Variants in SOS2 observed in about 807,000 individuals in gnomAD.
SOS2 encodes the protein son of sevenless homolog 2.
In SOS2, 65 loss-of-function variants were observed where a neutral mutation model predicts 148.2. The observed-to-expected ratio is 0.44, with a 90% CI of 0.36 to 0.54. The LOEUF is 0.54. Among genes scored for constraint, SOS2 ranks in the 20% least tolerant of loss-of-function variants. SOS2 has a pLI of 0.00. For missense variants in SOS2, 1,341 were observed against 1,590.2 expected, an observed-to-expected ratio of 0.84 and a Z score of 2.67; for synonymous variants, 539 against 537.1, an observed-to-expected ratio of 1.00 and a Z score of -0.05.
At chr14:50,120,784 G>A (rs190484991) in intron 21 of SOS2, among the ~76,000 whole-genome samples, 20 of 125,722 alleles carry the variant, frequency 1.6e-4, no homozygotes, top group East Asian at 1.0e-3. Flanking sequence ...CTGTCGCCTA[G>A]GCTGGAGTGC....
intron 1 of SOS2, among the ~76,000 whole-genome samples, chr14:50,220,289 C>A (rs1329529874): frequency 6.7e-6 from 1 of 148,664 alleles, no homozygotes; most frequent in Non-Finnish European, 1.5e-5. Flanking sequence ...GCCTGTAGTC[C>A]CAGCTACTAG....
chr14:50,161,569 C>T lies in SOS2; in HGVS notation c.1109G>A (p.Cys370Tyr). 1.9e-6 allele frequency: 3 copies of T among 1,612,996 alleles called. No homozygotes were observed. The highest frequency in any genetic ancestry group is 2.5e-6 in the Non-Finnish European group (3 of 1,179,128). Residue 370 changes from cysteine to tyrosine, a missense_variant, in exon 9 of 23, where the codon TGT (cysteine) becomes TAT (tyrosine). By Grantham distance (194) the Cys-to-Tyr change is radical (BLOSUM62 -2). Coordinates refer to ENST00000216373, the MANE Select transcript of SOS2 (RefSeq NM_006939.4). ...ACSEEQEDRE[C>Y]LNQAITALMN... ...GAGAGCAGTAATAGCTTGGTTCAAACATTCTCTGTCTTCTTGTTCTTCACT... is the reference window on the plus strand; with the variant it reads ...GAGAGCAGTAATAGCTTGGTTCAAATATTCTCTGTCTTCTTGTTCTTCACT...
At chr14:50,151,023 T>C (rs1197423567) in intron 13 of SOS2, among the ~76,000 whole-genome samples, 1 of 151,812 alleles carries the variant, frequency 6.6e-6, no homozygotes, top group Non-Finnish European at 1.5e-5. Context: ...GCGCCTGGCC[T>C]AATTTTTGTA....
At chr14:50,121,259 T>G (rs191357751) in intron 21 of SOS2, among the ~76,000 whole-genome samples, 420 of 152,266 alleles carry the variant, frequency 2.8e-3, no homozygotes, top group African/African-American at 9.7e-3. Flanking sequence ...CATATAATAA[T>G]TACTATCTTC....
intron 4 of SOS2, among the ~76,000 whole-genome samples, chr14:50,192,772 G>A (rs947208301): frequency 1.3e-5 from 2 of 152,074 alleles, no homozygotes; most frequent in Non-Finnish European, 2.9e-5. Context: ...GCTGAGGCAG[G>A]AGAATGGATT....
intron 19 of SOS2, among the ~76,000 whole-genome samples, chr14:50,132,637 G>A (rs1457215614): frequency 1.3e-5 from 2 of 151,972 alleles, no homozygotes; most frequent in African/African-American, 2.4e-5. Flanking sequence ...CTCCAGCCTG[G>A]GTGACAGAGC....
chr14:50,144,294 G>A (rs930969323), intron 16 of SOS2, among the ~76,000 whole-genome samples: 1 of 151,818 alleles, frequency 6.6e-6, no homozygotes, highest in South Asian at 2.1e-4. Context: ...AACTGTTTAT[G>A]AGAAAAGGGC....
At chr14:50,163,734 A>G (rs1431743083) in intron 8 of SOS2, among the ~76,000 whole-genome samples, 1 of 152,200 alleles carries the variant, frequency 6.6e-6, no homozygotes, top group Non-Finnish European at 1.5e-5. Context: ...ACTCTAAAAT[A>G]TTTCTTTAAT....
At chr14:50,156,906 G>A (rs2139617742) in intron 12 of SOS2, 93 bp downstream of exon 12, 1 of 695,564 alleles carries the variant, frequency 1.4e-6, no homozygotes, top group Admixed American at 2.8e-5. Flanking sequence ...GAGCTTTTGT[G>A]TTAACTATAT....
intron 11 of SOS2, 125 bp downstream of exon 11, chr14:50,158,440 A>G (rs1884886766): frequency 3.4e-6 from 2 of 587,912 alleles, no homozygotes; most frequent in Non-Finnish European, 6.1e-6. Context: ...TAATACTGCC[A>G]ATTTAATGCC....
chr14:50,195,070 TA>T (rs1363704266), intron 4 of SOS2, among the ~76,000 whole-genome samples: 29 of 152,222 alleles, frequency 1.9e-4, no homozygotes, highest in African/African-American at 6.7e-4. Context: ...TTTCTAGGGA[TA>T]AATTCACGTT....
intron 14 of SOS2, among the ~76,000 whole-genome samples, chr14:50,146,070 T>C (rs1594970666): frequency 7.0e-6 from 1 of 143,758 alleles, no homozygotes; most frequent in Middle Eastern, 3.9e-3. Context: ...GAGATGGAGG[T>C]TGTGGTGAGC....
chr14:50,230,337 C>T (rs547856465), intron 1 of SOS2, among the ~76,000 whole-genome samples: 13 of 152,300 alleles, frequency 8.5e-5, no homozygotes, highest in Admixed American at 7.2e-4. Context: ...AAAGCCCCTG[C>T]TCAACAGGCA....
At chr14:50,131,015 T>C (rs897675296) in intron 19 of SOS2, among the ~76,000 whole-genome samples, 4 of 152,236 alleles carry the variant, frequency 2.6e-5, no homozygotes, top group Non-Finnish European at 4.4e-5. Flanking sequence ...TGAAATTTTA[T>C]GTGAAAATCA....
intron 4 of SOS2, among the ~76,000 whole-genome samples, chr14:50,194,092 T>G (rs150155013): frequency 9.2e-5 from 14 of 152,254 alleles, no homozygotes; most frequent in African/African-American, 3.1e-4. Flanking sequence ...TTGTGACAAA[T>G]AGGGGATCAT....
At chr14:50,218,124 C>T (rs1357140632) in intron 1 of SOS2, among the ~76,000 whole-genome samples, 1 of 147,104 alleles carries the variant, frequency 6.8e-6, no homozygotes, top group Non-Finnish European at 1.5e-5. Flanking sequence ...ACAGCAAGAC[C>T]CTATCTCTTA....
chr14:50,178,608 T>C (rs919100007), intron 7 of SOS2, among the ~76,000 whole-genome samples: 3 of 150,350 alleles, frequency 2.0e-5, no homozygotes, highest in Non-Finnish European at 3.0e-5. Context: ...TCTGCCTCTG[T>C]AGTAGCTAGA....
intron 8 of SOS2, among the ~76,000 whole-genome samples, chr14:50,165,451 C>A (rs748618656): frequency 6.6e-6 from 1 of 152,118 alleles, no homozygotes; most frequent in Non-Finnish European, 1.5e-5. Flanking sequence ...GACGAATACC[C>A]AAAACCATTA....
Position 50,143,296 on chromosome 14 carries a change from A to G in SOS2, c.2667+1874T>C, listed in dbSNP as rs113864487. On this transcript the variant is annotated intron_variant, in intron 16 of 22. Coordinates refer to ENST00000216373, the MANE Select transcript of SOS2 (RefSeq NM_006939.4). Reference sequence around the variant, plus strand: ...GCTATGATCATGCCACTGGCACTCCAGCCTGGGTGACAGAGCAAGCTTGAC... The same window carrying G: ...GCTATGATCATGCCACTGGCACTCCGGCCTGGGTGACAGAGCAAGCTTGAC... 8.7e-3 allele frequency among the ~76,000 whole-genome samples: 1,289 copies of G among 148,344 alleles called. 15 individuals carry two copies. Among genetic ancestry groups the G allele is most frequent in the African/African-American group, 0.031 (1,230 of 40,314 alleles).
Sources: gnomAD v4.1 joint callset for allele counts (sites outside exome capture counted in the v4.1 genomes callset) on GRCh38, gnomAD v4.1.1 for gene constraint, MANE v1.5 for transcripts, NCBI Gene and HGNC (gene_info 2026-07-23, HGNC 2026-07-21) for gene names.